The following TNC variants were observed in gnomAD, a reference collection of about 807,000 sequenced individuals.
TNC encodes tenascin.
A neutral mutation model predicts 202.4 loss-of-function variants in TNC; 109 were observed. That is an observed-to-expected ratio of 0.54 (90% CI 0.46 to 0.63). The LOEUF is 0.63. TNC is among the 30% of genes least tolerant of loss of function. TNC has a pLI of 0.00. For missense variants in TNC, 2,756 were observed against 2,833.3 expected (o/e 0.97, Z 0.62); for synonymous variants, 1,007 against 1,089.7 (o/e 0.92, Z 1.50).
Position 115,086,226 on chromosome 9 carries a change from G to A in TNC, c.1505C>T (p.Pro502Leu), listed in dbSNP as rs755310490. ...TGEDCRDRQC[P>L]RDCSNRGLCV... is the part of the protein sequence containing the mutation. Reference sequence around the variant, plus strand: ...GAGGCCCCTGTTGCTGCAGTCCCTGGGGCATTGGCGATCCCGGCAGTCTTC... The same window carrying A: ...GAGGCCCCTGTTGCTGCAGTCCCTGAGGCATTGGCGATCCCGGCAGTCTTC... The change falls in exon 3 of 28, where the codon CCC becomes CTC. Residue 502 changes from proline (P) to leucine (L), a missense_variant. This residue lies in a region of TNC where 2,559 missense variants were observed against 2,546.0 expected (regional missense o/e 1.01). Transcript: ENST00000350763. The A allele has an allele frequency of 3.7e-6, 6 of 1,614,208 alleles. No homozygotes were observed. The highest frequency in any genetic ancestry group is 5.1e-6 in the Non-Finnish European group (6 of 1,180,048).
intron 6 of TNC, among the ~76,000 whole-genome samples, chr9:115,079,771 G>C (rs996152920): frequency 1.3e-5 from 2 of 152,162 alleles, no homozygotes; most frequent in Non-Finnish European, 2.9e-5. Flanking sequence ...TTCAAACTCA[G>C]AACTGATTGA....
At chr9:115,023,440 G>A (rs1829239926) in intron 27 of TNC, among the ~76,000 whole-genome samples, 1 of 152,366 alleles carries the variant, frequency 6.6e-6, no homozygotes, top group South Asian at 2.1e-4. Flanking sequence ...AGTGCTAGAG[G>A]TGTGTGTGGT....
chr9:115,059,615 A>C (rs1832388660), intron 14 of TNC, 115 bp downstream of exon 14: 1 of 1,153,874 alleles, frequency 8.7e-7, no homozygotes, highest in South Asian at 1.6e-5. Flanking sequence ...ACAGCCGGCC[A>C]CTGAAAGGCA....
chr9:115,109,080 CAGA>C (rs1836842314), intron 1 of TNC, among the ~76,000 whole-genome samples: 1 of 152,154 alleles, frequency 6.6e-6, no homozygotes, highest in South Asian at 2.1e-4. Flanking sequence ...TTTCCAAGAA[CAGA>C]AGAGTACCAA....
rs781750114 is a variant in TNC at position 115,064,788 on chromosome 9, C to T, written c.3346G>A (p.Ala1116Thr). 4.3e-6 allele frequency: 7 copies of T among 1,614,160 alleles called. No homozygotes were observed. The South Asian group carries it at 6.6e-5, about 15-fold the overall frequency. ...CCAGGCACGGTGAGGTTCCGAGCTG[C>T]CTCCACCTTGTTGGCCTCCTGCACC... ...IQVQEANKVE[A>T]ARNLTVPGSL... Residue 1116 changes from alanine (A) to threonine (T), a missense_variant, in exon 11 of 28, where the codon GCA (alanine) becomes ACA (threonine). This residue lies in a region of TNC where 2,559 missense variants were observed against 2,546.0 expected (regional missense o/e 1.01). Transcript: ENST00000350763.
At position 115,046,759 on chromosome 9, in the gene TNC, G is replaced by A. The variant is rs1252954444; in HGVS notation, c.4853-77C>T. On this transcript the variant is annotated intron_variant, in intron 16 of 27. Transcript: ENST00000350763. ...AGTCCGTGCAATCTTCTCTCCAGTAGGGGTATCAATATGTAGTGATGCCCC... is the reference window on the plus strand; with the variant it reads ...AGTCCGTGCAATCTTCTCTCCAGTAAGGGTATCAATATGTAGTGATGCCCC... The A allele has an allele frequency of 4.5e-6, 7 of 1,543,706 alleles. No individual in the cohort carries two copies. The South Asian group carries it at 4.8e-5, about 10-fold the overall frequency.
intron 10 of TNC, among the ~76,000 whole-genome samples, chr9:115,069,754 C>T (rs28582703): frequency 7.3e-3 from 34 of 4,682 alleles, no homozygotes; most frequent in African/African-American, 0.021. Flanking sequence ...CTCCCTCCCT[C>T]CCTCCCTCCC....
At chr9:115,052,964 C>A (rs981196498) in intron 15 of TNC, 1 of 702,610 alleles carries the variant, frequency 1.4e-6, no homozygotes, top group Non-Finnish European at 2.6e-6. Context: ...CATGTTGAAG[C>A]TTTTTGGAGT....
Position 115,082,785 on chromosome 9 carries a change from C to G in TNC, c.2154G>C (p.Leu718=), listed in dbSNP as rs750924104. ...ATGTCTCCTTGATGGACTTGAATTT[C>G]AGGCCTTCAGGTGCAGGTAAGTCTG... ...VATYLPAPEG[L]KFKSIKETSV... Residue 718 remains leucine, a synonymous_variant, in exon 5 of 28, where the codon CTG becomes CTC. Coordinates refer to ENST00000350763, the MANE Select transcript of TNC (RefSeq NM_002160.4). The G allele has an allele frequency of 6.2e-7, 1 of 1,613,976 alleles. No individual in the cohort carries two copies. The highest frequency in any genetic ancestry group is 1.1e-5 in the South Asian group (1 of 91,082).
At chr9:115,084,080 A>T (rs1834517404) in intron 4 of TNC, 129 bp downstream of exon 4, 2 of 1,026,374 alleles carry the variant, frequency 1.9e-6, no homozygotes, top group Non-Finnish European at 2.8e-6. Context: ...TATGGACTTA[A>T]TTCTAGGCTC....
intron 1 of TNC, 33 bp from the exon 2 acceptor site, chr9:115,091,187 T>G: frequency 1.6e-6 from 1 of 609,028 alleles, no homozygotes; most frequent in East Asian, 2.8e-5. Flanking sequence ...AAATTATGAG[T>G]ATCTACTATT....
Position 115,063,868 on chromosome 9 carries a change from G to T in TNC, c.3688C>A (p.His1230Asn). The change falls in exon 12 of 28, where the codon CAT becomes AAT. Residue 1230 changes from histidine (H) to asparagine (N), a missense_variant. By Grantham distance (68) the His-to-Asn change is moderately conservative (BLOSUM62 1). Transcript: ENST00000350763. ...ACCCCGCGGATGGTGATGGTATAAT[G>T]AGTGGCTGCTTTGAGCCCAGGCAGG... ...TDLPGLKAAT[H>N]YTITIRGVTQ... is the part of the protein sequence containing the mutation. 6.2e-7 allele frequency: 1 copy of T among 1,614,178 alleles called. No individual in the cohort carries two copies. Among genetic ancestry groups the T allele is most frequent in the South Asian group, 1.1e-5 (1 of 91,084 alleles).
intron 15 of TNC, chr9:115,053,033 GC>G (rs1426516388): frequency 1.4e-6 from 1 of 693,784 alleles, no homozygotes; most frequent in Admixed American, 2.0e-5. Context: ...AGGAATATGG[GC>G]AGAGAGAAAG....
chr9:115,116,190 G>T (rs559409712), intron 1 of TNC, among the ~76,000 whole-genome samples: 7 of 152,280 alleles, frequency 4.6e-5, no homozygotes, highest in Admixed American at 2.6e-4. Flanking sequence ...GGAGGTTAGT[G>T]TGGGATAAAA....
rs770213784 is a variant in TNC, at chr9:115,048,497, C to A, written c.4615G>T (p.Asp1539Tyr). The A allele has an allele frequency of 1.9e-6, 3 of 1,613,658 alleles. No homozygotes were observed. Among genetic ancestry groups the A allele is most frequent in the Non-Finnish European group, 8.5e-7 (1 of 1,179,918 alleles). ...LPLLENLTIS[D>Y]INPYGFTVSW... ...ACTGTGAACCCGTAGGGATTAATGTCGGAAATGGTTAGGTTTTCCAGAAGG... is the reference window on the plus strand; with the variant it reads ...ACTGTGAACCCGTAGGGATTAATGTAGGAAATGGTTAGGTTTTCCAGAAGG... The change falls in exon 16 of 28, where the codon GAC (aspartate) becomes TAC (tyrosine). Residue 1539 changes from aspartate to tyrosine, a missense_variant. Around this residue, in one of 2 missense-constraint regions of TNC, gnomAD observed 2,559 missense variants for 2,546.0 expected, o/e 1.01. Transcript: ENST00000350763.
In TNC at chr9:115,077,870, C is replaced by G. The variant is rs948213865; in HGVS notation, c.2674+73G>C. 2.0e-6 allele frequency: 3 copies of G among 1,502,844 alleles called. No homozygotes were observed. In the African/African-American group the frequency reaches 4.1e-5, roughly 21 times the overall value. 93.1% of individuals were successfully genotyped at this position (1,502,844 alleles called of 1,614,324 possible). ...ACTGTAAAATGAGCCTGGAAGATAC[C>G]CCAACATGGAGTGGGATGGAAATCT... On this transcript the variant is annotated intron_variant, in intron 7 of 27. Transcript: ENST00000350763.
chr9:115,072,509 T>C (rs953081717), intron 10 of TNC, among the ~76,000 whole-genome samples: 2 of 152,234 alleles, frequency 1.3e-5, no homozygotes, highest in African/African-American at 4.8e-5. Flanking sequence ...TCCAAATATG[T>C]CCACACTTCT....
intron 10 of TNC, among the ~76,000 whole-genome samples, chr9:115,073,100 G>A (rs532928441): frequency 1.8e-4 from 28 of 152,258 alleles, no homozygotes; most frequent in Admixed American, 3.3e-4. Context: ...TCAAAGGGCC[G>A]TGTGCCACTC....
intron 1 of TNC, among the ~76,000 whole-genome samples, chr9:115,102,512 T>C (rs1588218238): frequency 6.6e-6 from 1 of 152,224 alleles, no homozygotes; most frequent in Non-Finnish European, 1.5e-5. Flanking sequence ...TCCTTCAAGA[T>C]GCTGCTTAAA....
Sources: gnomAD v4.1 joint callset for allele counts (sites outside exome capture counted in the v4.1 genomes callset) on GRCh38, gnomAD v4.1.1 for gene constraint, gnomAD v4.1.1 regional missense constraint, MANE v1.5 for transcripts, NCBI Gene and HGNC (gene_info 2026-07-23, HGNC 2026-07-21) for gene names.